The following C9orf153 variants were observed in gnomAD, a reference collection of about 807,000 sequenced individuals.
C9orf153 encodes uncharacterized protein C9orf153.
In C9orf153, 10 loss-of-function variants were observed where a neutral mutation model predicts 9.0. The observed-to-expected ratio is 1.11, with a 90% CI of 0.69 to 1.89. The LOEUF (loss-of-function observed/expected upper bound fraction) is 1.89, where lower values mean the gene tolerates loss of function less well. Ranked by LOEUF, C9orf153 falls within the 40% of genes most tolerant of loss-of-function variation. C9orf153 has a pLI of 0.00. For missense variants in C9orf153, 108 were observed against 111.0 expected, an observed-to-expected ratio of 0.97 and a Z score of 0.12; for synonymous variants, 35 against 37.3, an observed-to-expected ratio of 0.94 and a Z score of 0.23.
intron 3 of C9orf153, among the ~76,000 whole-genome samples, chr9:86,226,822 T>C (rs1376391057): frequency 6.6e-6 from 1 of 152,154 alleles, no homozygotes; most frequent in Non-Finnish European, 1.5e-5. Context: ...TTGAGCACAA[T>C]GGTGCGATCT....
chr9:86,230,842 T>C (rs75459839), intron 1 of C9orf153, among the ~76,000 whole-genome samples: 180 of 152,332 alleles, frequency 1.2e-3, no homozygotes, highest in Non-Finnish European at 1.9e-3. Context: ...AAAATGGCCA[T>C]GGAATCTCCA....
intron 1 of C9orf153, among the ~76,000 whole-genome samples, chr9:86,249,802 T>A (rs1201784083): frequency 1.3e-5 from 2 of 152,180 alleles, no homozygotes; most frequent in Admixed American, 6.6e-5. Context: ...CTGCCTCAGC[T>A]TCCCACAGTG....
chr9:86,237,296 T>A lies in C9orf153; in HGVS notation c.-26-7667A>T, dbSNP rs1564000337. Among the ~76,000 whole-genome samples the A allele has an allele frequency of 6.6e-6, 1 of 151,632 alleles. No individual in the cohort carries two copies. On this transcript the variant is annotated intron_variant, in intron 1 of 3. Transcript: ENST00000339137. The stretch of plus-strand genomic sequence containing the variant: ...AGAAACAAGGAACAAGGGCAAAAAA[T>A]AAAAAAACAGTAAAACATTTGGTGA...
At chr9:86,245,175 C>A (rs1824838754) in intron 1 of C9orf153, among the ~76,000 whole-genome samples, 1 of 152,262 alleles carries the variant, frequency 6.6e-6, no homozygotes, top group South Asian at 2.1e-4. Flanking sequence ...GATCCACCCA[C>A]CTCGGCCTCC....
rs4877964 is a variant in C9orf153 at position 86,241,754 on chromosome 9, T to C, written c.-26-12125A>G. 1.8e-3 allele frequency among the ~76,000 whole-genome samples: 271 copies of C among 152,156 alleles called. 5 individuals are homozygous for C. The highest frequency in any genetic ancestry group is 0.012 in the East Asian group (61 of 5,158). Reference sequence around the variant, plus strand: ...GATGTTCCTGCCTCAGCCTCCCAAGTAGCTGGGATTACAGGTGCCCACGAC... The same window carrying C: ...GATGTTCCTGCCTCAGCCTCCCAAGCAGCTGGGATTACAGGTGCCCACGAC... On this transcript the variant is annotated intron_variant, in intron 1 of 3. Transcript: ENST00000339137.
At chr9:86,228,276 T>C (rs976956357) in intron 2 of C9orf153, among the ~76,000 whole-genome samples, 1 of 152,224 alleles carries the variant, frequency 6.6e-6, no homozygotes, top group South Asian at 2.1e-4. Context: ...GTCTTATAAA[T>C]GCTTGTTATA....
intron 1 of C9orf153, among the ~76,000 whole-genome samples, chr9:86,249,236 G>A (rs190099670): frequency 7.9e-5 from 12 of 152,292 alleles, no homozygotes; most frequent in Admixed American, 1.3e-4. Context: ...ACCAAGAAAG[G>A]CCTCCCTGGG....
chr9:86,250,722 T>TC (rs1342980871), intron 1 of C9orf153, among the ~76,000 whole-genome samples: 1 of 151,886 alleles, frequency 6.6e-6, no homozygotes. Flanking sequence ...CTTTGTTGTT[T>TC]TTTTACGGAG....
chr9:86,233,427 T>A (rs918138114), intron 1 of C9orf153, among the ~76,000 whole-genome samples: 1 of 152,146 alleles, frequency 6.6e-6, no homozygotes, highest in Non-Finnish European at 1.5e-5. Flanking sequence ...TTTTCTTTTT[T>A]CTTTTTTGAG....
chr9:86,229,610 G>A lies in C9orf153; in HGVS notation c.-7C>T, dbSNP rs768116149. The A allele has an allele frequency of 1.2e-6, 2 of 1,606,122 alleles. No homozygotes were observed. The highest frequency in any genetic ancestry group is 8.5e-7 in the Non-Finnish European group (1 of 1,174,460). ...TGTCTCCAGTGAGGAACATCGTGCT[G>A]GGATTTTATTCTCTAATTCCTAAAA... On this transcript the variant is annotated 5_prime_UTR_variant, in exon 2 of 4. Transcript: ENST00000339137.
chr9:86,227,357 G>C, intron 3 of C9orf153: 1 of 1,532,868 alleles, frequency 6.5e-7, no homozygotes, highest in Non-Finnish European at 8.8e-7. Flanking sequence ...TTGGAGATGG[G>C]GTCTTTCTAT....
intron 1 of C9orf153, among the ~76,000 whole-genome samples, chr9:86,238,431 G>A (rs1039204057): frequency 1.3e-5 from 2 of 152,150 alleles, no homozygotes; most frequent in South Asian, 4.1e-4. Context: ...ATCATACAAC[G>A]TCTGTTCTCA....
At position 86,229,523 on chromosome 9, in the gene C9orf153, A is replaced by G. The variant is rs762116359; in HGVS notation, c.66+15T>C. 1.3e-6 allele frequency: 2 copies of G among 1,578,080 alleles called. No individual in the cohort carries two copies. The highest frequency in any genetic ancestry group is 1.7e-6 in the Non-Finnish European group (2 of 1,147,740). ...CTCCCTGTGTACACCTCGTTGTACA[A>G]TGTTAAGTACATACTGAACATTGAG... On this transcript the variant is annotated intron_variant, in intron 2 of 3. Transcript: ENST00000339137.
intron 3 of C9orf153, among the ~76,000 whole-genome samples, chr9:86,225,773 C>T (rs576675472): frequency 2.0e-4 from 31 of 152,256 alleles, no homozygotes; most frequent in East Asian, 1.5e-3. Flanking sequence ...GCGTGAGCCA[C>T]CATGCCCAGC....
intron 3 of C9orf153, among the ~76,000 whole-genome samples, chr9:86,225,368 T>C (rs1824300260): frequency 6.6e-6 from 1 of 151,594 alleles, no homozygotes; most frequent in African/African-American, 2.4e-5. Context: ...CCTTCCTTCT[T>C]TCTTTCCTTC....
chr9:86,231,168 G>C (rs1824460432), intron 1 of C9orf153, among the ~76,000 whole-genome samples: 1 of 152,106 alleles, frequency 6.6e-6, no homozygotes, highest in African/African-American at 2.4e-5. Context: ...AGCAGCATAA[G>C]CAACCTCAGC....
chr9:86,228,061 G>T, intron 2 of C9orf153, 31 bp from the exon 3 acceptor site: 7 of 1,501,750 alleles, frequency 4.7e-6, no homozygotes, highest in African/African-American at 2.8e-5. Context: ...GGTAAGTCAC[G>T]AGACTGACAA....
At chr9:86,227,303 A>C (rs1284425246) in intron 3 of C9orf153, 12 of 1,430,464 alleles carry the variant, frequency 8.4e-6, no homozygotes, top group Non-Finnish European at 1.1e-5. Context: ...CATGCCACCA[A>C]GCTCAGCTAA....
chr9:86,240,881 G>GT (rs992236302), intron 1 of C9orf153, among the ~76,000 whole-genome samples: 1 of 151,000 alleles, frequency 6.6e-6, no homozygotes, highest in African/African-American at 2.4e-5. Flanking sequence ...GCTAATTTTT[G>GT]TATTTTTAAT....
Sources: gnomAD v4.1 joint callset for allele counts (sites outside exome capture counted in the v4.1 genomes callset) on GRCh38, gnomAD v4.1.1 for gene constraint, MANE v1.5 for transcripts, NCBI Gene and HGNC (gene_info 2026-07-23, HGNC 2026-07-21) for gene names.